Variants in LOXL4 observed in about 807,000 individuals in gnomAD.
The protein encoded by LOXL4 is lysyl oxidase like 4, also known as lysyl oxidase homolog 4.
A neutral mutation model predicts 89.1 loss-of-function variants in LOXL4; 72 were observed. That is an observed-to-expected ratio of 0.81 (90% confidence interval 0.67 to 0.98). The LOEUF is 0.98. Ranked by LOEUF, LOXL4 falls within the 50% of genes least tolerant of loss-of-function variation. The pLI, the probability that LOXL4 is intolerant of heterozygous loss-of-function variation, is 0.00. For missense variants in LOXL4, 984 were observed against 1,017.5 expected, an observed-to-expected ratio of 0.97 and a Z score of 0.45; for synonymous variants, 355 against 392.1, an observed-to-expected ratio of 0.91 and a Z score of 1.12.
At chr10:98,255,936 ACCACATATGGAGGTAAAAAT>A (rs1858349057) in intron 9 of LOXL4, 197 bp from the exon 10 acceptor site, 1 of 549,018 alleles carries the variant, frequency 1.8e-6, no homozygotes, top group South Asian at 3.2e-5. Flanking sequence ...AGAAATCCCC[ACCACATATGGAGGTAAAAAT>A]CCACCCACCG....
chr10:98,252,070 C>A, intron 12 of LOXL4: 1 of 489,192 alleles, frequency 2.0e-6, no homozygotes, highest in Admixed American at 3.7e-5. Flanking sequence ...AATGCTTGCC[C>A]TCGGAGAGCT....
At chr10:98,251,794 A>G (rs1467775211) in intron 12 of LOXL4, 92 bp from the exon 13 acceptor site, 13 of 1,471,166 alleles carry the variant, frequency 8.8e-6, no homozygotes, top group South Asian at 2.6e-5. Flanking sequence ...CATCATGCCC[A>G]GTTCACAGAT....
intron 6 of LOXL4, 57 bp downstream of exon 6, chr10:98,258,952 C>T: frequency 1.4e-6 from 2 of 1,397,556 alleles, no homozygotes; most frequent in Admixed American, 2.5e-5. Context: ...CCCCACCAGG[C>T]AGTGTCCCGC....
chr10:98,263,956 C>A (rs576659301), intron 1 of LOXL4, among the ~76,000 whole-genome samples: 1 of 152,082 alleles, frequency 6.6e-6, no homozygotes, highest in Admixed American at 6.5e-5. Context: ...TGGTCTTGAA[C>A]TCCTGACCTC....
intron 8 of LOXL4, among the ~76,000 whole-genome samples, chr10:98,257,369 G>A (rs113134139): frequency 3.3e-5 from 5 of 152,136 alleles, no homozygotes; most frequent in Non-Finnish European, 5.9e-5. Flanking sequence ...CCCTCGTGCC[G>A]ACAGCCCTGT....
chr10:98,262,977 G>A lies in LOXL4; in HGVS notation c.43C>T (p.Leu15=), dbSNP rs965302313. ...CTGCTGGGAGGGGGCTGGCCTAGCAGCAGCAGGAACAGAAAGAGGGTGGCT... is the reference window on the plus strand; with the variant it reads ...CTGCTGGGAGGGGGCTGGCCTAGCAACAGCAGGAACAGAAAGAGGGTGGCT... The part of the protein sequence containing the change: ...PPATLFLFLL[L]LGQPPPSRPQ... The change falls in exon 2 of 15, where the codon CTG becomes TTG. Residue 15 remains leucine, a synonymous_variant. Transcript: ENST00000260702. 1.2e-6 allele frequency: 2 copies of A among 1,613,768 alleles called. No homozygotes were observed. The highest frequency in any genetic ancestry group is 2.7e-5 in the African/African-American group (2 of 75,036).
At chr10:98,249,294 A>C (rs1858123394) in intron 14 of LOXL4, among the ~76,000 whole-genome samples, 2 of 152,024 alleles carry the variant, frequency 1.3e-5, no homozygotes, top group Admixed American at 6.6e-5. Flanking sequence ...CGATTACATC[A>C]CTCTGGCTCC....
In LOXL4 at chr10:98,251,583, C is replaced by A. The variant is rs577098168; in HGVS notation, c.2071G>T (p.Gly691Trp). Residue 691 changes from glycine to tryptophan, a missense_variant, in exon 13 of 15, where the codon GGG becomes TGG. Coordinates refer to ENST00000260702, the MANE Select transcript of LOXL4 (RefSeq NM_032211.7). Reference sequence around the variant, plus strand: ...CGCCTTACCTGGAAGATATAATTCCCGGGGCCCACATCTGTGATATCCACC... The same window carrying A: ...CGCCTTACCTGGAAGATATAATTCCAGGGGCCCACATCTGTGATATCCACC... ...QWVDITDVGP[G>W]NYIFQVIVNP... 1 of 1,614,154 alleles carries A rather than the reference C, an allele frequency of 6.2e-7. No individual in the cohort carries two copies. The highest frequency in any genetic ancestry group is 8.5e-7 in the Non-Finnish European group (1 of 1,180,016).
rs372675359 is a variant in LOXL4, at chr10:98,263,732, CT to C, written c.-32-682del. On this transcript the variant is annotated intron_variant, in intron 1 of 14. Transcript: ENST00000260702. ...TTCTTTCTTTTTTCTTTCTTTCTTT[CT>C]TTTTTTTTTTTTTTTCGAGACAGAG... is the stretch of plus-strand genomic sequence containing the variant. 9.3e-3 allele frequency among the ~76,000 whole-genome samples: 1,293 copies of C among 138,766 alleles called. 9 individuals carry two copies. The highest frequency in any genetic ancestry group is 0.015 in the African/African-American group (561 of 37,420). The allele number at this position is 138,766 out of a possible 152,430, so 91.0% of individuals were successfully genotyped here.
chr10:98,267,327 G>A (rs1336801017), intron 1 of LOXL4, among the ~76,000 whole-genome samples: 5 of 152,176 alleles, frequency 3.3e-5, no homozygotes, highest in African/African-American at 1.2e-4. Context: ...GCTGAATGCC[G>A]AGTGACAGAT....
rs200519323 is a variant in LOXL4 at position 98,257,829 on chromosome 10, T to A, written c.1106-25A>T. 7.9e-4 allele frequency: 1,269 copies of A among 1,601,046 alleles called. 1 individual carries two copies. Among genetic ancestry groups the A allele is most frequent in the Non-Finnish European group, 9.7e-4 (1,132 of 1,171,728 alleles). Reference sequence around the variant, plus strand: ...CCTAGATGGGGAGAGAGGTGCTGTGTGCGAGGCTCCATCTCCGTAACCCCA... The same window carrying A: ...CCTAGATGGGGAGAGAGGTGCTGTGAGCGAGGCTCCATCTCCGTAACCCCA... On this transcript the variant is annotated intron_variant, in intron 7 of 14. Coordinates refer to ENST00000260702, the MANE Select transcript of LOXL4 (RefSeq NM_032211.7).
intron 1 of LOXL4, 85 bp from the exon 2 acceptor site, chr10:98,263,136 C>A (rs1858596148): frequency 8.8e-7 from 1 of 1,134,352 alleles, no homozygotes; most frequent in Non-Finnish European, 1.2e-6. Flanking sequence ...CCTGGCAAGA[C>A]AAAGGAAAGA....
intron 12 of LOXL4, chr10:98,252,146 G>C (rs374606660): frequency 3.6e-6 from 2 of 558,748 alleles, no homozygotes; most frequent in East Asian, 3.1e-5. Context: ...TTTAAAAGAA[G>C]AACAATGCGT....
rs1054713751 is a variant in LOXL4 at position 98,265,590 on chromosome 10, G to C, written c.-32-2539C>G. Among the ~76,000 whole-genome samples the C allele has an allele frequency of 3.7e-5, 4 of 108,188 alleles. 1 individual carries two copies. In the East Asian group the frequency reaches 9.7e-4, roughly 26 times the overall value. 71.0% of individuals were successfully genotyped at this position (108,188 alleles called of 152,430 possible). On this transcript the variant is annotated intron_variant, in intron 1 of 14. Transcript: ENST00000260702. ...AGCTAATTTATCTGTATTTTTAGTA[G>C]AGACAGGGTTTCACCACATCAGTTC...
chr10:98,251,507 A>G (rs1042978169), intron 13 of LOXL4, 59 bp downstream of exon 13: 77 of 1,594,762 alleles, frequency 4.8e-5, no homozygotes, highest in Admixed American at 1.0e-4. Flanking sequence ...GCCCTCAGGG[A>G]AAGTTGTGGA....
chr10:98,263,304 A>C (rs372126187), intron 1 of LOXL4, among the ~76,000 whole-genome samples: 21 of 152,226 alleles, frequency 1.4e-4, no homozygotes, highest in African/African-American at 5.1e-4. Flanking sequence ...CAGTCTCCTC[A>C]TCTGTAAAAT....
In LOXL4 at chr10:98,248,880, T is replaced by A; in HGVS notation, c.*41A>T. ...GGCATGGCTCCAATAAGCTGAGGTA[T>A]CTGGTGTATCGGCAGCAGCTAGGAG... On this transcript the variant is annotated 3_prime_UTR_variant, in exon 15 of 15. Transcript: ENST00000260702. The A allele has an allele frequency of 6.4e-7, 1 of 1,555,966 alleles. No homozygotes were observed. The highest frequency in any genetic ancestry group is 8.8e-7 in the Non-Finnish European group (1 of 1,131,240).
rs765875135 is a variant in LOXL4, at chr10:98,252,459, G to T, written c.1845C>A (p.His615Gln). Residue 615 changes from histidine to glutamine, a missense_variant, in exon 12 of 15, where the codon CAC becomes CAA. Transcript: ENST00000260702. The part of the protein sequence containing the change: ...WVWHQCHRHY[H>Q]SIEVFTHYDL... The stretch of plus-strand genomic sequence containing the variant: ...CGTAGTGGGTGAAGACCTCAATGCT[G>T]TGGTAATGCCTGCAGAAGGGGTAGA... 4 of 1,612,348 alleles carry T rather than the reference G, an allele frequency of 2.5e-6. No individual in the cohort carries two copies. Among genetic ancestry groups the T allele is most frequent in the Non-Finnish European group, 3.4e-6 (4 of 1,178,420 alleles).
rs767470576 is a variant in LOXL4 at position 98,257,724 on chromosome 10, A to C, written c.1186T>G (p.Ser396Ala). 23 of 1,613,886 alleles carry C rather than the reference A, an allele frequency of 1.4e-5. No individual in the cohort carries two copies. In the East Asian group the frequency reaches 5.1e-4, roughly 36 times the overall value. The change falls in exon 8 of 15, where the codon TCC (serine) becomes GCC (alanine). Residue 396 changes from serine (S) to alanine (A), a missense_variant. Physicochemically the swap from Ser to Ala is moderately conservative, Grantham distance 99 (BLOSUM62 1). Transcript: ENST00000260702. ...TTCTCATGTTGGCAACCATTCTGGGACCCTTCCAGGGCAGGGCAGTCGCTG... is the reference window on the plus strand; with the variant it reads ...TTCTCATGTTGGCAACCATTCTGGGCCCCTTCCAGGGCAGGGCAGTCGCTG... ...TLSDCPALEG[S>A]QNGCQHENDA...
Sources: allele counts gnomAD v4.1 joint callset (sites outside exome capture counted in the v4.1 genomes callset), GRCh38; gene constraint gnomAD v4.1.1; transcripts MANE v1.5; gene names NCBI Gene and HGNC (gene_info 2026-07-23, HGNC 2026-07-21).